THADA: variants seen among roughly 807,000 people sequenced by gnomAD.
THADA encodes the protein THADA armadillo repeat containing, also known as tRNA (32-2'-O)-methyltransferase regulator THADA.
THADA carries 213 observed loss-of-function variants against 219.8 expected under a neutral mutation model. That is an observed-to-expected ratio of 0.97 (90% CI 0.87 to 1.09). The LOEUF (loss-of-function observed/expected upper bound fraction) is 1.09, where lower values mean the gene tolerates loss of function less well. Among genes scored for constraint, THADA ranks in the 50% least tolerant of loss-of-function variants. The pLI is 0.00. For missense variants in THADA, 2,956 were observed against 2,311.3 expected (o/e 1.28, Z -5.72); for synonymous variants, 1,018 against 828.9 (o/e 1.23, Z -3.92).
chr2:43,578,516 A>T lies in THADA; in HGVS notation c.813T>A (p.His271Gln), dbSNP rs766813273. 6.8e-6 allele frequency: 11 copies of T among 1,606,284 alleles called. 1 individual carries two copies. The highest frequency in any genetic ancestry group is 6.7e-5 in the Admixed American group (4 of 59,792). Residue 271 changes from histidine to glutamine, a missense_variant, in exon 9 of 38, where the codon CAT (histidine) becomes CAA (glutamine). His to Gln is a conservative substitution (Grantham distance 24). Coordinates refer to ENST00000405975, the MANE Select transcript of THADA (RefSeq NM_022065.5). ...TMFHPSEKIP[H>Q]LISSVLLRSV... ...TCTAAAAAGGAGATGCACTTACCAA[A>T]TGAGGAATCTTTTCAGACGGGTGAA...
intron 26 of THADA, among the ~76,000 whole-genome samples, chr2:43,461,165 C>T (rs1683596781): frequency 6.6e-6 from 1 of 152,182 alleles, no homozygotes; most frequent in African/African-American, 2.4e-5. Context: ...GAAGTTTTGG[C>T]ATAGGAGTAA....
At chr2:43,244,151 A>C (rs1314169904) in intron 36 of THADA, among the ~76,000 whole-genome samples, 1 of 152,254 alleles carries the variant, frequency 6.6e-6, no homozygotes, top group Non-Finnish European at 1.5e-5. Flanking sequence ...GATTTTAAAA[A>C]TGGACACAGC....
chr2:43,357,115 A>T (rs1668951262), intron 29 of THADA, among the ~76,000 whole-genome samples: 1 of 152,206 alleles, frequency 6.6e-6, no homozygotes, highest in Admixed American at 6.5e-5. Context: ...ATACTTTGGG[A>T]ACTGCAAGTA....
intron 31 of THADA, among the ~76,000 whole-genome samples, chr2:43,303,762 G>C (rs1250850420): frequency 6.6e-6 from 1 of 151,538 alleles, no homozygotes; most frequent in African/African-American, 2.4e-5. Context: ...AATAATTAGA[G>C]AGGGCAGTTT....
chr2:43,291,231 C>T (rs1412162408), intron 34 of THADA, among the ~76,000 whole-genome samples: 1 of 151,576 alleles, frequency 6.6e-6, no homozygotes, highest in Non-Finnish European at 1.5e-5. Context: ...GGGTGGATCA[C>T]CTGAGGTCAG....
At chr2:43,531,305 C>T (rs2103749992) in intron 21 of THADA, among the ~76,000 whole-genome samples, 1 of 152,290 alleles carries the variant, frequency 6.6e-6, no homozygotes, top group South Asian at 2.1e-4. Context: ...TGAGAAGAGG[C>T]TGGGAGACTA....
intron 29 of THADA, among the ~76,000 whole-genome samples, chr2:43,367,336 C>CT (rs201455057): frequency 1.5e-3 from 223 of 152,060 alleles, no homozygotes; most frequent in African/African-American, 5.2e-3. Context: ...TGTTATGTGT[C>CT]TTTTTTTAAA....
chr2:43,553,527 C>A (rs1036611129), intron 17 of THADA, among the ~76,000 whole-genome samples: 2 of 152,132 alleles, frequency 1.3e-5, no homozygotes, highest in Non-Finnish European at 2.9e-5. Flanking sequence ...GAGCTGGAAA[C>A]TTGATATTGG....
At chr2:43,515,432 CAGAT>C (rs1488361656) in intron 22 of THADA, among the ~76,000 whole-genome samples, 3 of 101,846 alleles carry the variant, frequency 2.9e-5, no homozygotes, top group Non-Finnish European at 5.9e-5. Context: ...ACATATAAAA[CAGAT>C]AAGATGAATT....
At chr2:43,282,326 A>G (rs1055200607) in intron 35 of THADA, among the ~76,000 whole-genome samples, 1 of 152,200 alleles carries the variant, frequency 6.6e-6, no homozygotes, top group Non-Finnish European at 1.5e-5. Context: ...AAAATGCCTG[A>G]AGTCACTAAG....
At chr2:43,369,517 C>T (rs751836742) in intron 29 of THADA, among the ~76,000 whole-genome samples, 33 of 152,296 alleles carry the variant, frequency 2.2e-4, no homozygotes, top group Admixed American at 3.3e-4. Flanking sequence ...CTTATATTAA[C>T]TAGGTTTTGT....
At position 43,292,976 on chromosome 2, in the gene THADA, A is replaced by C. The variant is rs200863125; in HGVS notation, c.4676T>G (p.Leu1559Arg). ...CTTTTCCAAGAGGGCTTCCAGTGTTAGTGAGCGCACTTCAGGGAAGGCAGA... is the reference window on the plus strand; with the variant it reads ...CTTTTCCAAGAGGGCTTCCAGTGTTCGTGAGCGCACTTCAGGGAAGGCAGA... ...LESAFPEVRSLTLEALLEKFL... is the reference protein window; with the variant it reads ...LESAFPEVRSRTLEALLEKFL... Residue 1559 changes from leucine to arginine, a missense_variant, in exon 32 of 38, where the codon CTA (leucine) becomes CGA (arginine). Transcript: ENST00000405975. 1 of 1,614,012 alleles carries C rather than the reference A, an allele frequency of 6.2e-7. No individual in the cohort carries two copies. Among genetic ancestry groups the C allele is most frequent in the African/African-American group, 1.3e-5 (1 of 75,044 alleles).
intron 29 of THADA, among the ~76,000 whole-genome samples, chr2:43,394,795 C>T (rs2104703906): frequency 6.6e-6 from 1 of 152,296 alleles, no homozygotes; most frequent in East Asian, 1.9e-4. Context: ...CCAGGGTAAA[C>T]CAACCTTGAT....
Position 43,231,412 on chromosome 2 carries a change from C to T in THADA, c.5467-69G>A, listed in dbSNP as rs910310454. The T allele has an allele frequency of 7.0e-6, 10 of 1,430,510 alleles. No homozygotes were observed. In the Middle Eastern group the frequency reaches 6.1e-4, roughly 87 times the overall value. The allele number at this position is 1,430,510 out of a possible 1,614,324, so 88.6% of individuals were successfully genotyped here. A position where few individuals can be genotyped will look rare whatever the true frequency, so the allele number is the denominator to read the frequency against. ...GTGACAAGCCCCAGTCCAGACCAAGCAGTACCCTGCCAGATGCAAGAGGGG... is the reference window on the plus strand; with the variant it reads ...GTGACAAGCCCCAGTCCAGACCAAGTAGTACCCTGCCAGATGCAAGAGGGG... On this transcript the variant is annotated intron_variant, in intron 37 of 37. Transcript: ENST00000405975.
At chr2:43,520,957 A>AAGGAAGGG (rs1692357825) in intron 22 of THADA, among the ~76,000 whole-genome samples, 1 of 115,424 alleles carries the variant, frequency 8.7e-6, no homozygotes, top group African/African-American at 3.5e-5. Context: ...GGGAGGGAAG[A>AAGGAAGGG]AGGAAGGGAG....
chr2:43,447,729 AT>A (rs148365498), intron 26 of THADA, among the ~76,000 whole-genome samples: 2,841 of 152,276 alleles, frequency 0.019, 41 homozygotes, highest in African/African-American at 0.047. Context: ...ATAACCTCCC[AT>A]AGCCTTAAGA....
chr2:43,581,998 CA>C, intron 7 of THADA, 70 bp from the exon 8 acceptor site: 1 of 1,172,240 alleles, frequency 8.5e-7, no homozygotes. Context: ...TAATTATCAG[CA>C]AAATAAATAC....
intron 17 of THADA, among the ~76,000 whole-genome samples, chr2:43,552,696 A>G (rs751016400): frequency 1.3e-5 from 2 of 152,198 alleles, no homozygotes; most frequent in East Asian, 1.9e-4. Context: ...GATGTAATTC[A>G]TATGCCACAA....
chr2:43,323,981 G>A (rs1387790555), intron 30 of THADA, among the ~76,000 whole-genome samples: 1 of 152,200 alleles, frequency 6.6e-6, no homozygotes, highest in East Asian at 1.9e-4. Flanking sequence ...AGGCTTTTAA[G>A]TGATGGGATA....
Sources: allele counts gnomAD v4.1 joint callset (sites outside exome capture counted in the v4.1 genomes callset), GRCh38; gene constraint gnomAD v4.1.1; transcripts MANE v1.5; gene names NCBI Gene and HGNC (gene_info 2026-07-23, HGNC 2026-07-21).